Variants in ARRDC2 observed in about 807,000 individuals in gnomAD.
ARRDC2 encodes arrestin domain containing 2.
ARRDC2 carries 39 observed loss-of-function variants against 38.9 expected under a neutral mutation model. That is an observed-to-expected ratio of 1.00 (90% CI 0.78 to 1.31). The LOEUF is 1.31. Among genes scored for constraint, ARRDC2 ranks in the 50% most tolerant of loss-of-function variants. The pLI, the probability that ARRDC2 is intolerant of heterozygous loss-of-function variation, is 0.00. For missense variants in ARRDC2, 553 were observed against 588.4 expected (o/e 0.94, Z 0.62); for synonymous variants, 300 against 261.9 (o/e 1.15, Z -1.41).
upstream of ARRDC2, chr19:18,008,116 A>AGGCCCCCCCCC: frequency 1.9e-6 from 1 of 522,496 alleles, no homozygotes; most frequent in Non-Finnish European, 2.9e-6. Context: ...AGAGACGGTG[A>AGGCCCCCCCCC]CCCCACCCCC....
intron 6 of ARRDC2, 75 bp downstream of exon 6, chr19:18,010,433 C>A: frequency 6.4e-7 from 1 of 1,563,916 alleles, no homozygotes; most frequent in Non-Finnish European, 8.6e-7. Context: ...AACTCTCTCA[C>A]CACGAGTCCC....
chr19:18,008,837 C>G, intron 2 of ARRDC2, 60 bp downstream of exon 2: 4 of 1,599,802 alleles, frequency 2.5e-6, no homozygotes, highest in Non-Finnish European at 3.4e-6. Flanking sequence ...ATTGGTACCT[C>G]CAATACTGGA....
rs781094689 is a variant in ARRDC2 at position 18,008,579 on chromosome 19, C to T, written c.269C>T (p.Ala90Val). 17 of 1,585,842 alleles carry T rather than the reference C, an allele frequency of 1.1e-5. No individual in the cohort carries two copies. In the South Asian group the frequency reaches 1.6e-4, roughly 15 times the overall value. ...EVVSHRATLL[A>V]PDTGETTTLP... ...GTGAGCCACCGCGCCACGCTCCTGGCGCCAGGTACGGATGGAGGACCCCTG... is the reference window on the plus strand; with the variant it reads ...GTGAGCCACCGCGCCACGCTCCTGGTGCCAGGTACGGATGGAGGACCCCTG... The change falls in exon 1 of 8, where the codon GCG becomes GTG. Residue 90 changes from alanine (A) to valine (V), a missense_variant. This residue lies in a region of ARRDC2 where 447 missense variants were observed against 456.6 expected (regional missense o/e 0.98). Transcript: ENST00000222250.
chr19:18,002,232 G>A (rs1331934698), intron 1 of ARRDC2, among the ~76,000 whole-genome samples: 10 of 152,202 alleles, frequency 6.6e-5, no homozygotes, highest in African/African-American at 2.2e-4. Context: ...TCTTCCCTGG[G>A]GTAGGGTTGG....
In ARRDC2 at chr19:18,008,291, G is replaced by C; in HGVS notation, c.-20G>C. Reference sequence around the variant, plus strand: ...TTCGAGGCCAGGTTCCGCCTGTCGTGGGTTCGCACCCCGGACGCGATGCTA... The same window carrying C: ...TTCGAGGCCAGGTTCCGCCTGTCGTCGGTTCGCACCCCGGACGCGATGCTA... On this transcript the variant is annotated 5_prime_UTR_variant, in exon 1 of 8. Transcript: ENST00000222250. 2 of 1,588,554 alleles carry C rather than the reference G, an allele frequency of 1.3e-6. No individual in the cohort carries two copies. Among genetic ancestry groups the C allele is most frequent in the Non-Finnish European group, 1.7e-6 (2 of 1,176,002 alleles).
chr19:18,002,294 A>G (rs1478586360), intron 1 of ARRDC2, among the ~76,000 whole-genome samples: 1 of 152,160 alleles, frequency 6.6e-6, no homozygotes, highest in Non-Finnish European at 1.5e-5. Flanking sequence ...CCAGAGGGGA[A>G]GAGATGAAGT....
intron 7 of ARRDC2, among the ~76,000 whole-genome samples, chr19:18,011,516 C>T (rs2033411595): frequency 6.6e-6 from 1 of 152,036 alleles, no homozygotes; most frequent in Non-Finnish European, 1.5e-5. Flanking sequence ...GCAGATTCAA[C>T]CAAACATGGG....
chr19:18,010,175 C>T (rs772398275), intron 5 of ARRDC2, 21 bp from the exon 6 acceptor site: 12 of 1,610,478 alleles, frequency 7.5e-6, no homozygotes, highest in African/African-American at 1.3e-5. Flanking sequence ...GGGCACCCTC[C>T]CTTATGGTTC....
At chr19:18,010,439 G>A (rs1599400727) in intron 6 of ARRDC2, 81 bp downstream of exon 6, 1 of 1,563,522 alleles carries the variant, frequency 6.4e-7, no homozygotes, top group Non-Finnish European at 8.6e-7. Flanking sequence ...CTCACCACGA[G>A]TCCCCCGGAA....
At position 18,009,919 on chromosome 19, in the gene ARRDC2, C is replaced by T. The variant is rs765360222; in HGVS notation, c.729C>T (p.Leu243=). ...RKQKRAVVAS[L]AGEPVGPGQR... is the part of the protein sequence containing the mutation. ...AGAAACGGGCAGTGGTGGCCAGCCT[C>T]GCGGGCGAGCCGGTGGGCCCCGGGC... The change falls in exon 5 of 8, where the codon CTC becomes CTT. Residue 243 remains leucine (L), a synonymous_variant. Coordinates refer to ENST00000222250, the MANE Select transcript of ARRDC2 (RefSeq NM_015683.2). 12 of 1,605,616 alleles carry T rather than the reference C, an allele frequency of 7.5e-6. No homozygotes were observed. In the Admixed American group the frequency reaches 8.4e-5, roughly 11 times the overall value.
intron 2 of ARRDC2, 42 bp downstream of exon 2, chr19:18,008,819 C>T (rs767744605): frequency 1.2e-6 from 2 of 1,609,370 alleles, no homozygotes; most frequent in Admixed American, 3.3e-5. Flanking sequence ...GCCTGCAGCC[C>T]CTTCCAGATT....
At position 18,014,051 on chromosome 19, in the gene ARRDC2, T is replaced by C. The variant is rs1258340697; in HGVS notation, c.*1085T>C. On this transcript the variant is annotated 3_prime_UTR_variant, in exon 8 of 8. Transcript: ENST00000222250. ...CAGCATTTCTGATATGCCTTAAGAA[T>C]TCATTCTGTTTTGTACAATTATTTT... 3 of 152,086 alleles carry C rather than the reference T, an allele frequency of 2.0e-5. No homozygotes were observed. Among genetic ancestry groups the C allele is most frequent in the African/African-American group, 7.2e-5 (3 of 41,416 alleles). The allele number at this position is 152,086 out of a possible 1,614,324, so 9.4% of individuals were successfully genotyped here.
At chr19:18,012,716 A>G (rs1177579432) in intron 7 of ARRDC2, among the ~76,000 whole-genome samples, 197 bp from the exon 8 acceptor site, 1 of 152,174 alleles carries the variant, frequency 6.6e-6, no homozygotes, top group East Asian at 1.9e-4. Flanking sequence ...CCTGGAACCA[A>G]TCCCCTGTGG....
intron 1 of ARRDC2, among the ~76,000 whole-genome samples, chr19:18,002,093 ATC>A (rs1214028259): frequency 6.6e-6 from 1 of 151,830 alleles, no homozygotes; most frequent in Non-Finnish European, 1.5e-5. Flanking sequence ...AGAGTGGGAG[ATC>A]TCCCTGGTGG....
Position 18,008,290 on chromosome 19 carries a change from T to G in ARRDC2, c.-21T>G. 1 of 1,587,922 alleles carries G rather than the reference T, an allele frequency of 6.3e-7. No individual in the cohort carries two copies. Among genetic ancestry groups the G allele is most frequent in the Non-Finnish European group, 8.5e-7 (1 of 1,175,786 alleles). ...GTTCGAGGCCAGGTTCCGCCTGTCG[T>G]GGGTTCGCACCCCGGACGCGATGCT... On this transcript the variant is annotated 5_prime_UTR_variant, in exon 1 of 8. Transcript: ENST00000222250.
rs756789716 is a variant in ARRDC2 at position 18,009,002 on chromosome 19, G to A, written c.373G>A (p.Gly125Ser). The change falls in exon 3 of 8, where the codon GGT becomes AGT. Residue 125 changes from glycine (G) to serine (S), a missense_variant. Transcript: ENST00000222250. ...GGTGACATCCTTCGAGGGCAAACAC[G>A]GTAGTGTCCGCTACTGTATCAAGGC... ...TLVTSFEGKH[G>S]SVRYCIKATL... 3 of 1,613,712 alleles carry A rather than the reference G, an allele frequency of 1.9e-6. No individual in the cohort carries two copies. The highest frequency in any genetic ancestry group is 1.6e-4 in the Middle Eastern group (1 of 6,062).
Position 18,009,795 on chromosome 19 carries a change from C to T in ARRDC2, c.605C>T (p.Pro202Leu), listed in dbSNP as rs2033367590. The T allele has an allele frequency of 1.2e-6, 2 of 1,612,774 alleles. No individual in the cohort carries two copies. Among genetic ancestry groups the T allele is most frequent in the African/African-American group, 1.3e-5 (1 of 74,932 alleles). The change falls in exon 5 of 8, where the codon CCT becomes CTT. Residue 202 changes from proline to leucine, a missense_variant. This residue lies in a region of ARRDC2 where 447 missense variants were observed against 456.6 expected (regional missense o/e 0.98). Transcript: ENST00000222250. The stretch of plus-strand genomic sequence containing the variant: ...CTCCTTGCTGCAGGAGAGGTCATCC[C>T]TGTCTTTGCCGAGATCGACAACGGC... Reference protein sequence around the residue: ...RKGYTPGEVIPVFAEIDNGST... With the variant: ...RKGYTPGEVILVFAEIDNGST...
In ARRDC2 at chr19:18,008,301, C is replaced by G; in HGVS notation, c.-10C>G. On this transcript the variant is annotated 5_prime_UTR_variant, in exon 1 of 8. Transcript: ENST00000222250. ...GGTTCCGCCTGTCGTGGGTTCGCACCCCGGACGCGATGCTATTCGACAAGG... is the reference window on the plus strand; with the variant it reads ...GGTTCCGCCTGTCGTGGGTTCGCACGCCGGACGCGATGCTATTCGACAAGG... 1 of 1,591,106 alleles carries G rather than the reference C, an allele frequency of 6.3e-7. No individual in the cohort carries two copies.
At chr19:18,009,463 C>A in intron 3 of ARRDC2, 129 bp from the exon 4 acceptor site, 1 of 818,834 alleles carries the variant, frequency 1.2e-6, no homozygotes, top group Admixed American at 2.6e-5. Context: ...ACGGATAGTT[C>A]CTGGATTGTT....
Sources: gnomAD v4.1 joint callset for allele counts (sites outside exome capture counted in the v4.1 genomes callset) on GRCh38, gnomAD v4.1.1 for gene constraint, gnomAD v4.1.1 regional missense constraint, MANE v1.5 for transcripts, NCBI Gene and HGNC (gene_info 2026-07-23, HGNC 2026-07-21) for gene names.